PCDHGB1: variants seen among roughly 807,000 people sequenced by gnomAD.
PCDHGB1 encodes protocadherin gamma-B1.
In PCDHGB1, 34 loss-of-function variants were observed where a neutral mutation model predicts 56.6. That is an observed-to-expected ratio of 0.60 (90% CI 0.46 to 0.80). The LOEUF (loss-of-function observed/expected upper bound fraction) is 0.80. Among genes scored for constraint, PCDHGB1 ranks in the 30% least tolerant of loss-of-function variants. The pLI is 0.00. For synonymous variants in PCDHGB1, 561 were observed against 505.9 expected (o/e 1.11, Z -1.46); for missense variants, 1,278 against 1,204.6 (o/e 1.06, Z -0.90).
Position 141,490,397 on chromosome 5 carries a change from G to A in PCDHGB1, c.2410-4410G>A. 6.2e-7 allele frequency: 1 copy of A among 1,614,170 alleles called. No individual in the cohort carries two copies. Among genetic ancestry groups the A allele is most frequent in the South Asian group, 1.1e-5 (1 of 91,080 alleles). On this transcript the variant is annotated intron_variant, in intron 1 of 3. Coordinates refer to ENST00000523390, the MANE Select transcript of PCDHGB1 (RefSeq NM_018922.3). This position sits in a 1 kb window ranked among gnomAD's most constrained non-coding sequence, Gnocchi z 5.4. ...GACTCAGGTAGAAATGGTGAAGTGA[G>A]CCTTGATATCTCTCCGGACCTGCCA...
chr5:141,418,696 T>C, intron 1 of PCDHGB1: 1 of 1,614,034 alleles, frequency 6.2e-7, no homozygotes, highest in Non-Finnish European at 8.5e-7. Context: ...AGATCACTTA[T>C]TCCTTCTTTG....
chr5:141,356,192 G>GC (rs1165410073), intron 1 of PCDHGB1: 2 of 1,609,924 alleles, frequency 1.2e-6, no homozygotes, highest in African/African-American at 2.7e-5. Flanking sequence ...CGAGCTAGAA[G>GC]CAAGGTACTG....
In PCDHGB1 at chr5:141,486,499, C is replaced by G. The variant is rs1487201957; in HGVS notation, c.2410-8308C>G. 2 of 1,614,010 alleles carry G rather than the reference C, an allele frequency of 1.2e-6. No homozygotes were observed. Among genetic ancestry groups the G allele is most frequent in the Non-Finnish European group, 1.7e-6 (2 of 1,179,874 alleles). On this transcript the variant is annotated intron_variant, in intron 1 of 3. Coordinates refer to ENST00000523390, the MANE Select transcript of PCDHGB1 (RefSeq NM_018922.3). This position sits in a 1 kb window ranked among gnomAD's most constrained non-coding sequence, Gnocchi z 5.0. ...CTCTCAGTACCCACAGAACTATTTT[C>G]CTCAATATTTCAGATGTGAATGATA...
chr5:141,510,568 G>C (rs2099881703), intron 3 of PCDHGB1, among the ~76,000 whole-genome samples: 1 of 152,100 alleles, frequency 6.6e-6, no homozygotes, highest in Non-Finnish European at 1.5e-5. Context: ...CATCTACCAG[G>C]CACTATTTTA....
chr5:141,407,651 G>A (rs1005294855), intron 1 of PCDHGB1, among the ~76,000 whole-genome samples: 1 of 151,926 alleles, frequency 6.6e-6, no homozygotes, highest in African/African-American at 2.4e-5. Flanking sequence ...AATAATGGGG[G>A]AGCGCAGTAT....
chr5:141,376,050 C>G (rs1342484281), intron 1 of PCDHGB1: 4 of 1,613,234 alleles, frequency 2.5e-6, no homozygotes, highest in Non-Finnish European at 3.4e-6. Flanking sequence ...CCTCTCTCCG[C>G]CACTGTCACG....
At position 141,362,106 on chromosome 5, in the gene PCDHGB1, G is replaced by T. The variant is rs73265834; in HGVS notation, c.2409+9437G>T. On this transcript the variant is annotated intron_variant, in intron 1 of 3. Transcript: ENST00000523390. Reference sequence around the variant, plus strand: ...GAGGACAGCCGCCACTCTCCGCTACGGCCACGCTGCACCTAATCTTCGCGG... The same window carrying T: ...GAGGACAGCCGCCACTCTCCGCTACTGCCACGCTGCACCTAATCTTCGCGG... 1.3e-4 allele frequency: 207 copies of T among 1,612,660 alleles called. 2 individuals are homozygous for T. In the South Asian group the frequency reaches 2.2e-3, roughly 17 times the overall value.
intron 1 of PCDHGB1, chr5:141,427,796 C>A: frequency 6.7e-7 from 1 of 1,502,108 alleles, no homozygotes; most frequent in Non-Finnish European, 9.2e-7. Flanking sequence ...CCTACGTGTC[C>A]GTGAGCGCAC....
intron 1 of PCDHGB1, chr5:141,371,815 T>C (rs966835739): frequency 1.2e-6 from 2 of 1,613,738 alleles, no homozygotes; most frequent in Non-Finnish European, 1.7e-6. Context: ...ATTGCGCATG[T>C]CAGAGCCTCG....
chr5:141,393,744 G>A lies in PCDHGB1; in HGVS notation c.2409+41075G>A, dbSNP rs770821376. The A allele has an allele frequency of 2.0e-5, 32 of 1,613,750 alleles. No individual in the cohort carries two copies. The highest frequency in any genetic ancestry group is 2.7e-5 in the Non-Finnish European group (32 of 1,179,884). On this transcript the variant is annotated intron_variant, in intron 1 of 3. Coordinates refer to ENST00000523390, the MANE Select transcript of PCDHGB1 (RefSeq NM_018922.3). ...AATAGCAAAAAGTCTAGATTATGAAGAATGTTCATTTTATGAAATGGAAAT... is the reference window on the plus strand; with the variant it reads ...AATAGCAAAAAGTCTAGATTATGAAAAATGTTCATTTTATGAAATGGAAAT...
chr5:141,400,245 C>G (rs778709619), intron 1 of PCDHGB1: 32 of 1,613,998 alleles, frequency 2.0e-5, no homozygotes, highest in Non-Finnish European at 2.5e-5. Flanking sequence ...TGATTCTGGC[C>G]GTTGCCTTGC....
intron 1 of PCDHGB1, among the ~76,000 whole-genome samples, chr5:141,463,318 C>A (rs2099056713): frequency 6.6e-6 from 1 of 151,878 alleles, no homozygotes; most frequent in East Asian, 1.9e-4. Flanking sequence ...ATATCTATTC[C>A]TCAACTCAGC....
rs779686795 is a variant in PCDHGB1, at chr5:141,476,566, G to A, written c.2410-18241G>A. On this transcript the variant is annotated intron_variant, in intron 1 of 3. Coordinates refer to ENST00000523390, the MANE Select transcript of PCDHGB1 (RefSeq NM_018922.3). The surrounding 1 kb of genome is among the most constrained non-coding windows in gnomAD (Gnocchi z 7.6). ...TGGAGATTAGCGAGGCCGTGGCTCC[G>A]GGGACGCGCTTTCCGCTCGAGAGCG... The A allele has an allele frequency of 1.2e-6, 2 of 1,614,062 alleles. No homozygotes were observed. Among genetic ancestry groups the A allele is most frequent in the East Asian group, 2.2e-5 (1 of 44,872 alleles).
At chr5:141,395,926 A>G (rs2093327122) in intron 1 of PCDHGB1, 1 of 152,218 alleles carries the variant, frequency 6.6e-6, no homozygotes, top group South Asian at 2.1e-4. Flanking sequence ...TCTAAAGCCT[A>G]GAATGTCCAT....
chr5:141,461,778 C>CA (rs1280703059), intron 1 of PCDHGB1, among the ~76,000 whole-genome samples: 6 of 152,052 alleles, frequency 3.9e-5, no homozygotes, highest in Non-Finnish European at 7.4e-5. Context: ...CTCAGCCTCC[C>CA]AAGTAGCTGG....
chr5:141,407,659 T>C (rs1443799600), intron 1 of PCDHGB1, among the ~76,000 whole-genome samples: 1 of 152,136 alleles, frequency 6.6e-6, no homozygotes, highest in East Asian at 1.9e-4. Flanking sequence ...GGGAGCGCAG[T>C]ATATATTAAA....
intron 1 of PCDHGB1, chr5:141,422,052 C>T: frequency 6.2e-7 from 1 of 1,611,298 alleles, no homozygotes; most frequent in Non-Finnish European, 8.5e-7. Flanking sequence ...AGGGAATCAA[C>T]GGGGAAGTAA....
intron 1 of PCDHGB1, chr5:141,388,088 C>T (rs774450859): frequency 8.8e-6 from 12 of 1,368,276 alleles, no homozygotes; most frequent in Admixed American, 2.0e-5. Flanking sequence ...AACTGCGCGT[C>T]AGTTCGGAGA....
intron 1 of PCDHGB1, among the ~76,000 whole-genome samples, chr5:141,435,395 C>T (rs946113643): frequency 5.3e-5 from 8 of 152,198 alleles, no homozygotes; most frequent in East Asian, 3.9e-4. Context: ...ATTGCCATGA[C>T]GAAAAATGGT....
Sources: allele counts gnomAD v4.1 joint callset (sites outside exome capture counted in the v4.1 genomes callset), GRCh38; gene constraint gnomAD v4.1.1; non-coding constraint Gnocchi (gnomAD v3.1); transcripts MANE v1.5; gene names NCBI Gene and HGNC (gene_info 2026-07-23, HGNC 2026-07-21).